The following SLC1A7 variants were observed in gnomAD, a reference collection of about 807,000 sequenced individuals.
SLC1A7 encodes solute carrier family 1 member 7.
In SLC1A7, 40 loss-of-function variants were observed where a neutral mutation model predicts 47.7. The observed-to-expected ratio is 0.84, with a 90% CI of 0.65 to 1.09. The LOEUF (loss-of-function observed/expected upper bound fraction) is 1.09. Among genes scored for constraint, SLC1A7 ranks in the 50% least tolerant of loss-of-function variants. The pLI, the probability that SLC1A7 is intolerant of heterozygous loss-of-function variation, is 0.00. For synonymous variants in SLC1A7, 323 were observed against 325.6 expected (o/e 0.99, Z 0.09); for missense variants, 746 against 769.5 (o/e 0.97, Z 0.36).
intron 2 of SLC1A7, among the ~76,000 whole-genome samples, chr1:53,133,977 T>G (rs1644965985): frequency 6.6e-6 from 1 of 152,182 alleles, no homozygotes; most frequent in African/African-American, 2.4e-5. Flanking sequence ...CAAGCCAGGC[T>G]GTGATCACTG....
At position 53,092,626 on chromosome 1, in the gene SLC1A7, G is replaced by C; in HGVS notation, c.959C>G (p.Thr320Ser). The C allele has an allele frequency of 6.2e-7, 1 of 1,614,148 alleles. No homozygotes were observed. ...FILPLLYFFI[T>S]KKNPIVFIRG... is the part of the protein sequence containing the mutation. ...GATGAAGACGATGGGATTCTTCTTGGTGATGAAGAAGTAGAGCAGGGGCAG... is the reference window on the plus strand; with the variant it reads ...GATGAAGACGATGGGATTCTTCTTGCTGATGAAGAAGTAGAGCAGGGGCAG... Residue 320 changes from threonine to serine, a missense_variant, in exon 7 of 11, where the codon ACC becomes AGC. Thr to Ser is a moderately conservative substitution (Grantham distance 58). Coordinates refer to ENST00000371494, the MANE Select transcript of SLC1A7 (RefSeq NM_006671.6).
intron 2 of SLC1A7, among the ~76,000 whole-genome samples, chr1:53,121,381 G>T (rs1230925146): frequency 6.6e-6 from 1 of 152,264 alleles, no homozygotes; most frequent in Non-Finnish European, 1.5e-5. Flanking sequence ...CCACGGTGTT[G>T]TGTGTCTGTG....
chr1:53,120,905 G>A (rs775417847), intron 2 of SLC1A7, among the ~76,000 whole-genome samples: 5 of 152,264 alleles, frequency 3.3e-5, no homozygotes, highest in Non-Finnish European at 7.3e-5. Context: ...TAGGCAAGGC[G>A]AGGAAGCTCC....
intron 3 of SLC1A7, among the ~76,000 whole-genome samples, chr1:53,114,114 T>A (rs1156636910): frequency 2.0e-5 from 3 of 152,094 alleles, no homozygotes; most frequent in Non-Finnish European, 4.4e-5. Flanking sequence ...GAACTGGCAC[T>A]GGTGAGGGAG....
At chr1:53,125,342 C>CA (rs1347284032) in intron 2 of SLC1A7, among the ~76,000 whole-genome samples, 1 of 152,218 alleles carries the variant, frequency 6.6e-6, no homozygotes, top group African/African-American at 2.4e-5. Flanking sequence ...GATGAGAAGG[C>CA]AGCACTGTCA....
At position 53,087,913 on chromosome 1, in the gene SLC1A7, T is replaced by C. The variant is rs1415060307; in HGVS notation, c.*96A>G. On this transcript the variant is annotated 3_prime_UTR_variant, in exon 11 of 11. Transcript: ENST00000371494. ...CAAGGGTGAGAAGAATGTGTGATCCTGGCCCCTGCCGGCTGCTCAGGAGGG... is the reference window on the plus strand; with the variant it reads ...CAAGGGTGAGAAGAATGTGTGATCCCGGCCCCTGCCGGCTGCTCAGGAGGG... 4.8e-6 allele frequency: 3 copies of C among 623,664 alleles called. No homozygotes were observed. The highest frequency in any genetic ancestry group is 3.8e-5 in the South Asian group (1 of 26,470). 38.6% of individuals were successfully genotyped at this position (623,664 alleles called of 1,614,324 possible).
intron 8 of SLC1A7, 172 bp downstream of exon 8, chr1:53,090,439 GC>G: frequency 9.4e-7 from 1 of 1,060,704 alleles, no homozygotes; most frequent in Non-Finnish European, 1.3e-6. Context: ...CACCAGCAAT[GC>G]CCTCCCTCCC....
chr1:53,098,325 C>T lies in SLC1A7; in HGVS notation c.698-4765G>A, dbSNP rs547117751. 1.4e-4 allele frequency among the ~76,000 whole-genome samples: 20 copies of T among 143,176 alleles called. No individual in the cohort carries two copies. In the East Asian group the frequency reaches 4.3e-3, roughly 31 times the overall value. 93.9% of individuals were successfully genotyped at this position (143,176 alleles called of 152,430 possible). A position where few individuals can be genotyped will look rare whatever the true frequency, so the allele number is the denominator to read the frequency against. ...GGTACACACACACACTCCACTCGTACCAAAACCCGCCTTGCTACACTCACA... is the reference window on the plus strand; with the variant it reads ...GGTACACACACACACTCCACTCGTATCAAAACCCGCCTTGCTACACTCACA... On this transcript the variant is annotated intron_variant, in intron 5 of 10. Transcript: ENST00000371494.
intron 2 of SLC1A7, among the ~76,000 whole-genome samples, chr1:53,132,194 G>A (rs1457787061): frequency 6.6e-6 from 1 of 152,182 alleles, no homozygotes; most frequent in African/African-American, 2.4e-5. Context: ...TGTCATGGAA[G>A]CTGTTGAAGG....
At chr1:53,103,147 A>G (rs2150324859) in intron 5 of SLC1A7, 199 bp downstream of exon 5, 4 of 496,924 alleles carry the variant, frequency 8.0e-6, no homozygotes, top group East Asian at 3.4e-5. Flanking sequence ...CCTGAGGGGG[A>G]GGTGCCAGGG....
chr1:53,100,960 C>T (rs372715964), intron 5 of SLC1A7, among the ~76,000 whole-genome samples: 9 of 150,774 alleles, frequency 6.0e-5, no homozygotes, highest in South Asian at 4.3e-4. Context: ...ACTCCCACAC[C>T]GCACCTTGGT....
intron 5 of SLC1A7, among the ~76,000 whole-genome samples, chr1:53,095,595 C>T (rs1197671372): frequency 2.0e-5 from 3 of 148,174 alleles, no homozygotes; most frequent in African/African-American, 7.7e-5. Context: ...TCACACACCC[C>T]GCCTCGTTAC....
At chr1:53,100,896 C>T (rs1251954258) in intron 5 of SLC1A7, among the ~76,000 whole-genome samples, 1 of 151,444 alleles carries the variant, frequency 6.6e-6, no homozygotes, top group Non-Finnish European at 1.5e-5. Context: ...CTCAGACTGC[C>T]TCAATACATT....
rs1214828271 is a variant in SLC1A7 at position 53,092,673 on chromosome 1, C to T, written c.912G>A (p.Leu304=). Residue 304 remains leucine (L), a synonymous_variant, in exon 7 of 11, where the codon CTG becomes CTA. Coordinates refer to ENST00000371494, the MANE Select transcript of SLC1A7 (RefSeq NM_006671.6). Reference sequence around the variant, plus strand: ...GCAGGATAAAGAGCCCGTGGAGCACCAGCCCGCACACCACGGTGACTGAGT... The same window carrying T: ...GCAGGATAAAGAGCCCGTGGAGCACTAGCCCGCACACCACGGTGACTGAGT... ...GFYSVTVVCG[L]VLHGLFILPL... The T allele has an allele frequency of 9.9e-6, 16 of 1,613,854 alleles. No individual in the cohort carries two copies. Among genetic ancestry groups the T allele is most frequent in the Non-Finnish European group, 1.4e-5 (16 of 1,179,838 alleles).
intron 1 of SLC1A7, among the ~76,000 whole-genome samples, chr1:53,141,238 C>A (rs1645053659): frequency 6.6e-6 from 1 of 152,266 alleles, no homozygotes; most frequent in South Asian, 2.1e-4. Flanking sequence ...CATCCCAGAT[C>A]AATGTCTGAT....
intron 2 of SLC1A7, among the ~76,000 whole-genome samples, chr1:53,117,862 G>A (rs1260271355): frequency 6.6e-6 from 1 of 152,226 alleles, no homozygotes; most frequent in East Asian, 1.9e-4. Context: ...CCCACCCTGG[G>A]GCCCCCATCA....
intron 3 of SLC1A7, among the ~76,000 whole-genome samples, chr1:53,110,386 G>A (rs557525106): frequency 6.6e-6 from 1 of 152,116 alleles, no homozygotes; most frequent in African/African-American, 2.4e-5. Flanking sequence ...CGGTGAGAGC[G>A]AGGCCCAACA....
In SLC1A7 at chr1:53,093,279, G is replaced by A. The variant is rs182709315; in HGVS notation, c.797+182C>T. On this transcript the variant is annotated intron_variant, in intron 6 of 10. Coordinates refer to ENST00000371494, the MANE Select transcript of SLC1A7 (RefSeq NM_006671.6). ...GGCTGGAAGGGGCAGGCCCAGGGCC[G>A]GAGCCAGGCCTGGCTGGGGCTGGGG... is the stretch of plus-strand genomic sequence containing the variant. Among the ~76,000 whole-genome samples, 33 of 152,286 alleles carry A rather than the reference G, an allele frequency of 2.2e-4. 1 individual carries two copies. The highest frequency in any genetic ancestry group is 1.8e-3 in the Admixed American group (28 of 15,306).
intron 6 of SLC1A7, 69 bp from the exon 7 acceptor site, chr1:53,092,856 C>G: frequency 2.0e-6 from 2 of 1,019,264 alleles, no homozygotes; most frequent in Middle Eastern, 2.1e-4. Context: ...AGCCCCGCAT[C>G]GCTGCGCGGC....
Sources: gnomAD v4.1 joint callset for allele counts (sites outside exome capture counted in the v4.1 genomes callset) on GRCh38, gnomAD v4.1.1 for gene constraint, MANE v1.5 for transcripts, NCBI Gene and HGNC (gene_info 2026-07-23, HGNC 2026-07-21) for gene names.